CPNE8: variants seen among roughly 807,000 people sequenced by gnomAD.
CPNE8 encodes copine-8.
A neutral mutation model predicts 81.5 loss-of-function variants in CPNE8; 45 were observed. That is an observed-to-expected ratio of 0.55 (90% confidence interval 0.44 to 0.71). CPNE8 has a LOEUF of 0.71. CPNE8 is among the 30% of genes least tolerant of loss of function. The pLI, the probability that CPNE8 is intolerant of heterozygous loss-of-function variation, is 0.00. For missense variants in CPNE8, 594 were observed against 672.1 expected, an observed-to-expected ratio of 0.88 and a Z score of 1.28; for synonymous variants, 252 against 226.3, an observed-to-expected ratio of 1.11 and a Z score of -1.02.
chr12:38,889,198 T>C (rs988781661), intron 1 of CPNE8, among the ~76,000 whole-genome samples: 6 of 152,212 alleles, frequency 3.9e-5, no homozygotes, highest in Admixed American at 1.3e-4. Flanking sequence ...ATTATTTATA[T>C]TCCATTAAGG....
intron 8 of CPNE8, among the ~76,000 whole-genome samples, chr12:38,764,389 G>A (rs1941634851): frequency 6.6e-6 from 1 of 151,450 alleles, no homozygotes; most frequent in Non-Finnish European, 1.5e-5. Context: ...AGGCCGAGGC[G>A]GGCGGATCAC....
chr12:38,702,244 T>A (rs1939966012), intron 14 of CPNE8, among the ~76,000 whole-genome samples: 1 of 152,212 alleles, frequency 6.6e-6, no homozygotes, highest in Admixed American at 6.5e-5. Flanking sequence ...CAAATGATTG[T>A]TCTGTTTGAA....
At chr12:38,756,416 T>A (rs1170873857) in intron 10 of CPNE8, among the ~76,000 whole-genome samples, 1 of 150,760 alleles carries the variant, frequency 6.6e-6, no homozygotes, top group African/African-American at 2.4e-5. Context: ...AGCAGTAGCA[T>A]GATCATTGCT....
intron 6 of CPNE8, among the ~76,000 whole-genome samples, chr12:38,797,432 C>A (rs1056233144): frequency 1.3e-5 from 2 of 152,168 alleles, no homozygotes; most frequent in Non-Finnish European, 2.9e-5. Flanking sequence ...GATACCCAGG[C>A]AAACAGGGTC....
chr12:38,839,564 C>T (rs954428526), intron 5 of CPNE8, among the ~76,000 whole-genome samples: 2 of 152,126 alleles, frequency 1.3e-5, no homozygotes, highest in African/African-American at 4.8e-5. Context: ...TGCCTACACT[C>T]AGCTACTTCC....
At chr12:38,736,275 G>T in intron 10 of CPNE8, among the ~76,000 whole-genome samples, 1 of 146,878 alleles carries the variant, frequency 6.8e-6, no homozygotes, top group African/African-American at 2.5e-5. Context: ...ATTTTAGTAT[G>T]TTAATATTTC....
intron 13 of CPNE8, among the ~76,000 whole-genome samples, chr12:38,714,918 C>A (rs1940348835): frequency 6.6e-6 from 1 of 151,974 alleles, no homozygotes. Context: ...TACTACGAAC[C>A]AGGCCTAAAA....
intron 13 of CPNE8, among the ~76,000 whole-genome samples, chr12:38,707,462 A>G (rs1288400391): frequency 6.6e-6 from 1 of 152,018 alleles, no homozygotes; most frequent in Admixed American, 6.6e-5. Context: ...AAGAGAGAGG[A>G]GGGAAGGAAG....
intron 1 of CPNE8, among the ~76,000 whole-genome samples, chr12:38,884,610 CT>C (rs1944212561): frequency 6.6e-6 from 1 of 152,158 alleles, no homozygotes; most frequent in Non-Finnish European, 1.5e-5. Flanking sequence ...AACTGCCAAA[CT>C]ATTTTCCAAA....
chr12:38,813,629 G>A (rs1398733900), intron 6 of CPNE8, among the ~76,000 whole-genome samples: 1 of 152,132 alleles, frequency 6.6e-6, no homozygotes, highest in African/African-American at 2.4e-5. Context: ...TTAAAATCAG[G>A]GACATGTAAT....
At position 38,724,888 on chromosome 12, in the gene CPNE8, G is replaced by A. The variant is rs1401603826; in HGVS notation, c.810C>T (p.Pro270=). ...SQFNVYEVVN[P]KKKGKKKKYT... ...ATTTTTTCTTTTTTCCTTTCTTTTT[G>A]GGATTCACCACCTTAAAAAGCAGAT... Residue 270 remains proline, a synonymous_variant, in exon 12 of 20, where the codon CCC becomes CCT. Coordinates refer to ENST00000331366, the MANE Select transcript of CPNE8 (RefSeq NM_153634.3). 2.0e-6 allele frequency: 3 copies of A among 1,517,798 alleles called. No homozygotes were observed. The highest frequency in any genetic ancestry group is 2.7e-6 in the Non-Finnish European group (3 of 1,103,464). 94.0% of individuals were successfully genotyped at this position (1,517,798 alleles called of 1,614,324 possible).
intron 5 of CPNE8, among the ~76,000 whole-genome samples, chr12:38,831,230 T>C (rs1943280429): frequency 6.6e-6 from 1 of 151,584 alleles, no homozygotes; most frequent in South Asian, 2.1e-4. Flanking sequence ...AAAGCAGAAA[T>C]GGAGATGAAG....
At chr12:38,788,904 A>G (rs1440829128) in intron 6 of CPNE8, among the ~76,000 whole-genome samples, 1 of 151,912 alleles carries the variant, frequency 6.6e-6, no homozygotes, top group Non-Finnish European at 1.5e-5. Flanking sequence ...AAGAAGTAAA[A>G]GATGACTGTA....
At chr12:38,803,683 A>C (rs1260583888) in intron 6 of CPNE8, among the ~76,000 whole-genome samples, 6 of 150,396 alleles carry the variant, frequency 4.0e-5, no homozygotes, top group Non-Finnish European at 3.0e-5. Context: ...GAAGGAAATA[A>C]AGGGTATTCA....
Position 38,677,509 on chromosome 12 carries a change from C to A in CPNE8, c.1317G>T (p.Leu439=), listed in dbSNP as rs1382947483. 1 of 1,612,530 alleles carries A rather than the reference C, an allele frequency of 6.2e-7. No homozygotes were observed. The part of the protein sequence containing the change: ...VKDGSQYFVL[L]IVTDGVISDM... ...CTGAGATAACACCATCTGTAACAAT[C>A]AGAAGCACAAAATACTGGGAGCCAT... The change falls in exon 17 of 20, where the codon CTG becomes CTT. Residue 439 remains leucine, a synonymous_variant. Transcript: ENST00000331366.
chr12:38,747,169 T>C (rs1314713650), intron 10 of CPNE8, among the ~76,000 whole-genome samples: 3 of 152,268 alleles, frequency 2.0e-5, no homozygotes, highest in Non-Finnish European at 4.4e-5. Context: ...ACTAACAGTA[T>C]AATGAAACTA....
At chr12:38,767,886 CT>C in intron 7 of CPNE8, 148 bp from the exon 8 acceptor site, 1 of 469,128 alleles carries the variant, frequency 2.1e-6, no homozygotes, top group Non-Finnish European at 3.7e-6. Context: ...CATAAAATTG[CT>C]TTTTAAAGGG....
intron 10 of CPNE8, among the ~76,000 whole-genome samples, chr12:38,741,534 G>T (rs1941104566): frequency 1.3e-5 from 2 of 152,158 alleles, no homozygotes. Flanking sequence ...ATTAATTCAA[G>T]ATGGATTAAA....
chr12:38,871,680 A>G (rs776672557), intron 3 of CPNE8, among the ~76,000 whole-genome samples: 1 of 152,192 alleles, frequency 6.6e-6, no homozygotes, highest in African/African-American at 2.4e-5. Context: ...GGATGACATT[A>G]AGTTATGAAG....
Sources: allele counts gnomAD v4.1 joint callset (sites outside exome capture counted in the v4.1 genomes callset), GRCh38; gene constraint gnomAD v4.1.1; transcripts MANE v1.5; gene names NCBI Gene and HGNC (gene_info 2026-07-23, HGNC 2026-07-21).